AKAP19: variants seen among roughly 807,000 people sequenced by gnomAD.
AKAP19 encodes the protein A-kinase anchoring protein 19.
At chr2:189,977,461 C>A in the AKAP19 span, among the ~76,000 whole-genome samples, 1 of 152,124 alleles carries the variant, frequency 6.6e-6, no homozygotes, top group African/African-American at 2.4e-5. Flanking sequence ...AGTAGGGTTT[C>A]CTAGAATAAA....
At chr2:190,000,400 A>G in the AKAP19 span, among the ~76,000 whole-genome samples, 1 of 152,192 alleles carries the variant, frequency 6.6e-6, no homozygotes. Flanking sequence ...CTCAAACCAC[A>G]AGTAACCTGA....
chr2:189,950,565 A>G, the AKAP19 span, among the ~76,000 whole-genome samples: 1 of 152,082 alleles, frequency 6.6e-6, no homozygotes, highest in Non-Finnish European at 1.5e-5. Context: ...TCTGAAAAAG[A>G]TTAAGGAAGA....
chr2:190,092,650 T>C, the AKAP19 span, among the ~76,000 whole-genome samples: 2 of 152,202 alleles, frequency 1.3e-5, no homozygotes, highest in Non-Finnish European at 2.9e-5. Flanking sequence ...AATACACATA[T>C]TTTTAAGAAT....
chr2:189,933,352 CACTT>C, the AKAP19 span, among the ~76,000 whole-genome samples: 3 of 151,820 alleles, frequency 2.0e-5, no homozygotes, highest in East Asian at 5.8e-4. Context: ...ATGTTTGTCA[CACTT>C]AATACTCAGT....
At chr2:190,014,689 T>C in the AKAP19 span, among the ~76,000 whole-genome samples, 61 of 151,022 alleles carry the variant, frequency 4.0e-4, no homozygotes, top group Non-Finnish European at 7.1e-4. Context: ...CAGACTGGAG[T>C]GTAGTGGCAT....
chr2:189,888,112 C>A, the AKAP19 span, among the ~76,000 whole-genome samples: 3 of 152,222 alleles, frequency 2.0e-5, no homozygotes, highest in Non-Finnish European at 4.4e-5. Context: ...AGTCTTTAAT[C>A]CATCTTGAGT....
the AKAP19 span, among the ~76,000 whole-genome samples, chr2:190,160,086 G>A: frequency 6.6e-6 from 1 of 152,130 alleles, no homozygotes; most frequent in Non-Finnish European, 1.5e-5. Flanking sequence ...ATTTTAAGAG[G>A]GACAATCACG....
the AKAP19 span, among the ~76,000 whole-genome samples, chr2:189,931,804 G>A: frequency 3.9e-5 from 6 of 152,102 alleles, no homozygotes; most frequent in African/African-American, 1.2e-4. Flanking sequence ...AATTTTTTGG[G>A]GAGAGATGGG....
the AKAP19 span, among the ~76,000 whole-genome samples, chr2:189,975,539 T>C: frequency 1.3e-5 from 2 of 152,244 alleles, no homozygotes; most frequent in Admixed American, 1.3e-4. Flanking sequence ...CCTTACTAGG[T>C]TGGGGAAGTT....
chr2:190,062,214 G>A, the AKAP19 span: 5 of 1,612,318 alleles, frequency 3.1e-6, no homozygotes, highest in South Asian at 5.5e-5. Flanking sequence ...ACACTAATAG[G>A]ACTACTTACA....
At chr2:189,933,235 G>A in the AKAP19 span, among the ~76,000 whole-genome samples, 3 of 152,214 alleles carry the variant, frequency 2.0e-5, no homozygotes, top group Non-Finnish European at 4.4e-5. Context: ...TCATGTAACA[G>A]AAGTATCTCT....
the AKAP19 span, among the ~76,000 whole-genome samples, chr2:190,144,020 G>A: frequency 2.9e-5 from 3 of 102,884 alleles, no homozygotes; most frequent in South Asian, 3.5e-4. Flanking sequence ...GGGGACTGTG[G>A]TGGGGTGGGG....
chr2:190,079,558 C>T, the AKAP19 span: 2 of 152,266 alleles, frequency 1.3e-5, no homozygotes, highest in East Asian at 1.9e-4. Flanking sequence ...CACCTGTAAT[C>T]CCAGCACTGT....
the AKAP19 span, chr2:190,079,241 A>G: frequency 1.3e-5 from 2 of 152,202 alleles, no homozygotes; most frequent in African/African-American, 4.8e-5. Context: ...GCCACAGTTC[A>G]ACCAGTTGCT....
the AKAP19 span, chr2:190,201,303 T>C: frequency 6.0e-6 from 1 of 166,922 alleles, no homozygotes; most frequent in Non-Finnish European, 1.5e-5. Flanking sequence ...GATTAAGTAC[T>C]GTTTGAAGAT....
At chr2:190,123,106 C>A in the AKAP19 span, among the ~76,000 whole-genome samples, 1 of 152,186 alleles carries the variant, frequency 6.6e-6, no homozygotes, top group Non-Finnish European at 1.5e-5. Context: ...GCCCCCCACA[C>A]ACACACTAAA....
the AKAP19 span, among the ~76,000 whole-genome samples, chr2:190,115,849 C>G: frequency 6.6e-6 from 1 of 152,156 alleles, no homozygotes; most frequent in Non-Finnish European, 1.5e-5. Context: ...CAGCTAGATC[C>G]AGGCTCTATC....
chr2:190,108,142 TA>T, the AKAP19 span, among the ~76,000 whole-genome samples: 1 of 151,944 alleles, frequency 6.6e-6, no homozygotes, highest in African/African-American at 2.4e-5. Flanking sequence ...TTTATTATTG[TA>T]AAAAAATTCT....
the AKAP19 span, among the ~76,000 whole-genome samples, chr2:189,985,520 G>T: frequency 6.6e-6 from 1 of 152,172 alleles, no homozygotes; most frequent in Non-Finnish European, 1.5e-5. Context: ...GCCTGTGAAG[G>T]CCATGTGGAA....
Sources: allele counts gnomAD v4.1 joint callset (sites outside exome capture counted in the v4.1 genomes callset), GRCh38; gene constraint gnomAD v4.1.1; transcripts MANE v1.5; gene names NCBI Gene and HGNC (gene_info 2026-07-23, HGNC 2026-07-21).